Variants in CPLX2 observed in about 807,000 individuals in gnomAD.
CPLX2 encodes the protein complexin 2.
Under a neutral mutation model 16.3 loss-of-function variants are expected in CPLX2, and 5 were observed. The observed-to-expected ratio is 0.31, with a 90% CI of 0.16 to 0.64. The LOEUF is 0.64. CPLX2 is among the 30% of genes least tolerant of loss of function. The probability of loss-of-function intolerance (pLI) is 0.79; values close to 1 mark genes in which losing one functional copy is unlikely to be tolerated. For missense variants in CPLX2, 144 were observed against 181.4 expected, an observed-to-expected ratio of 0.79 and a Z score of 1.18; for synonymous variants, 89 against 73.2, an observed-to-expected ratio of 1.22 and a Z score of -1.10.
chr5:175,829,091 C>T (rs1040179955), intron 2 of CPLX2, among the ~76,000 whole-genome samples: 13 of 152,238 alleles, frequency 8.5e-5, no homozygotes, highest in South Asian at 4.1e-4. Flanking sequence ...CTCCCCACCA[C>T]GTCAGGTGAA....
intron 2 of CPLX2, among the ~76,000 whole-genome samples, chr5:175,810,363 C>T (rs1758291848): frequency 6.6e-6 from 1 of 152,190 alleles, no homozygotes. Flanking sequence ...GGGGTTTCCA[C>T]ATTCCCAGCA....
intron 1 of CPLX2, among the ~76,000 whole-genome samples, chr5:175,808,231 C>T (rs1243659928): frequency 2.6e-5 from 4 of 152,190 alleles, no homozygotes; most frequent in Non-Finnish European, 5.9e-5. Flanking sequence ...TCAGTATTTT[C>T]ATCTATCAAA....
Position 175,880,343 on chromosome 5 carries a change from T to G in CPLX2, c.*298T>G. 31 of 436,522 alleles carry G rather than the reference T, an allele frequency of 7.1e-5. No individual in the cohort carries two copies. Among genetic ancestry groups the G allele is most frequent in the Admixed American group, 1.0e-4 (3 of 28,852 alleles). The allele number at this position is 436,522 out of a possible 1,614,324, so 27.0% of individuals were successfully genotyped here. A position where few individuals can be genotyped will look rare whatever the true frequency, so the allele number is the denominator to read the frequency against. On this transcript the variant is annotated 3_prime_UTR_variant, in exon 4 of 4. Transcript: ENST00000393745. ...GTGCTAGTGTGGTGACCCCCATACATTCCTCCCTGCTCCCCACTGCCAGGA... is the reference window on the plus strand; with the variant it reads ...GTGCTAGTGTGGTGACCCCCATACAGTCCTCCCTGCTCCCCACTGCCAGGA...
At chr5:175,879,596 G>A in intron 3 of CPLX2, 2 of 626,644 alleles carry the variant, frequency 3.2e-6, no homozygotes, top group Non-Finnish European at 5.8e-6. Context: ...TCAGATCTTT[G>A]GGGGTTTCAA....
Position 175,880,370 on chromosome 5 carries a change from G to A in CPLX2, c.*325G>A, listed in dbSNP as rs11747985. The A allele has an allele frequency of 0.43, 176,377 of 405,850 alleles. 39,897 individuals carry two copies. The highest frequency in any genetic ancestry group is 0.47 in the Admixed American group (12,896 of 27,612). 25.1% of individuals were successfully genotyped at this position (405,850 alleles called of 1,614,324 possible). ...CCTCCCTGCTCCCCACTGCCAGGAG[G>A]ACCACTGTCCCCAGCCAGCCAAAGT... is the stretch of plus-strand genomic sequence containing the variant. On this transcript the variant is annotated 3_prime_UTR_variant, in exon 4 of 4. Transcript: ENST00000393745.
rs1759647907 is a variant in CPLX2 at position 175,872,365 on chromosome 5, C to T, written c.-89+660C>T. 6.6e-6 allele frequency among the ~76,000 whole-genome samples: 1 copy of T among 152,192 alleles called. No individual in the cohort carries two copies. Among genetic ancestry groups the T allele is most frequent in the Non-Finnish European group, 1.5e-5 (1 of 68,040 alleles). ...GCCGCCTGGAGTCTTCGGGAACGACCCCTTCTGTGCTCTCGTTCTCGTCGG... is the reference window on the plus strand; with the variant it reads ...GCCGCCTGGAGTCTTCGGGAACGACTCCTTCTGTGCTCTCGTTCTCGTCGG... On this transcript the variant is annotated intron_variant, in intron 1 of 3. Coordinates refer to ENST00000393745, the MANE Select transcript of CPLX2 (RefSeq NM_001008220.2). The surrounding 1 kb of genome is among the most constrained non-coding windows in gnomAD (Gnocchi z 5.0).
At chr5:175,869,788 CAA>C (rs1203661951), upstream of CPLX2, among the ~76,000 whole-genome samples, 1 of 152,190 alleles carries the variant, frequency 6.6e-6, no homozygotes, top group Non-Finnish European at 1.5e-5. Context: ...TCACGTTTGT[CAA>C]AGTCCATCTT....
At chr5:175,825,937 C>CAAAAA (rs35250246) in intron 2 of CPLX2, among the ~76,000 whole-genome samples, 5,935 of 44,140 alleles carry the variant, frequency 0.13, 853 homozygotes, top group Non-Finnish European at 0.16. Context: ...TGAATAAGTG[C>CAAAAA]AAAAAAAAAA....
At chr5:175,814,795 G>C (rs1758376107) in intron 2 of CPLX2, among the ~76,000 whole-genome samples, 2 of 152,160 alleles carry the variant, frequency 1.3e-5, no homozygotes, top group Admixed American at 1.3e-4. Flanking sequence ...GTTTTGTCCA[G>C]GTCCCCTCTG....
At chr5:175,829,395 C>T (rs1219821055) in intron 2 of CPLX2, among the ~76,000 whole-genome samples, 1 of 152,124 alleles carries the variant, frequency 6.6e-6, no homozygotes, top group Non-Finnish European at 1.5e-5. Context: ...GAAGAAGGCC[C>T]CGCTCCCCCA....
chr5:175,808,784 T>C (rs969491524), intron 1 of CPLX2, among the ~76,000 whole-genome samples: 1 of 152,150 alleles, frequency 6.6e-6, no homozygotes, highest in Non-Finnish European at 1.5e-5. Flanking sequence ...ACTATCAGAT[T>C]GGGTGAGGTG....
chr5:175,840,197 A>G (rs1394832366), intron 2 of CPLX2, among the ~76,000 whole-genome samples: 1 of 152,164 alleles, frequency 6.6e-6, no homozygotes, highest in Non-Finnish European at 1.5e-5. Context: ...AAAGCATAAA[A>G]CATATGTTTT....
chr5:175,820,651 C>A (rs1758488970), intron 2 of CPLX2, among the ~76,000 whole-genome samples: 1 of 152,114 alleles, frequency 6.6e-6, no homozygotes, highest in Non-Finnish European at 1.5e-5. Context: ...CTCCAAGCAG[C>A]CCCCCGCCCC....
chr5:175,805,850 T>C (rs1274881123), intron 1 of CPLX2, among the ~76,000 whole-genome samples: 1 of 151,982 alleles, frequency 6.6e-6, no homozygotes, highest in African/African-American at 2.4e-5. Context: ...GATGAGAGGG[T>C]TGACTGCCAC....
At chr5:175,813,266 G>C (rs1758345989) in intron 2 of CPLX2, among the ~76,000 whole-genome samples, 1 of 152,148 alleles carries the variant, frequency 6.6e-6, no homozygotes, top group African/African-American at 2.4e-5. Flanking sequence ...ATAAAATTGT[G>C]ATCTTTTTAA....
chr5:175,817,393 C>T lies in CPLX2; in HGVS notation c.-89+8325C>T, dbSNP rs76367130. Among the ~76,000 whole-genome samples the T allele has an allele frequency of 6.0e-3, 908 of 152,318 alleles. 4 individuals are homozygous for T. Among genetic ancestry groups the T allele is most frequent in the Non-Finnish European group, 0.01 (700 of 68,028 alleles). On this transcript the variant is annotated intron_variant, in intron 2 of 4. Transcript: ENST00000359546. ...CAACTGCGCATAGTCTCTGACATCA[C>T]GTGTCTAATGCGTAATGTCCTAACG...
At chr5:175,831,689 C>T (rs1247554547) in intron 2 of CPLX2, among the ~76,000 whole-genome samples, 1 of 152,186 alleles carries the variant, frequency 6.6e-6, no homozygotes, top group Non-Finnish European at 1.5e-5. Flanking sequence ...ATGGCCCCTG[C>T]CCTCAAGATA....
At chr5:175,818,547 G>A (rs961853510) in intron 2 of CPLX2, among the ~76,000 whole-genome samples, 5 of 150,560 alleles carry the variant, frequency 3.3e-5, no homozygotes, top group Admixed American at 6.6e-5. Flanking sequence ...ACACGCCCAC[G>A]TAACCTTCCC....
intron 2 of CPLX2, among the ~76,000 whole-genome samples, chr5:175,840,993 G>A (rs1336134731): frequency 2.0e-5 from 3 of 152,172 alleles, no homozygotes; most frequent in Non-Finnish European, 4.4e-5. Context: ...TAATTCACCA[G>A]CCTCCCACAC....
Sources: gnomAD v4.1 joint callset for allele counts (sites outside exome capture counted in the v4.1 genomes callset) on GRCh38, gnomAD v4.1.1 for gene constraint, Gnocchi (gnomAD v3.1) non-coding constraint, MANE v1.5 for transcripts, NCBI Gene and HGNC (gene_info 2026-07-23, HGNC 2026-07-21) for gene names.